The following NME9 variants were observed in gnomAD, a reference collection of about 807,000 sequenced individuals.
The protein encoded by NME9 is thioredoxin domain-containing protein 6.
In NME9, 48 loss-of-function variants were observed where a neutral mutation model predicts 44.4. The observed-to-expected ratio is 1.08, with a 90% confidence interval of 0.86 to 1.37. NME9 has a LOEUF of 1.37. NME9 is among the 40% of genes most tolerant of loss of function. The probability of loss-of-function intolerance (pLI) is 0.00; values close to 1 mark genes in which losing one functional copy is unlikely to be tolerated. For synonymous variants in NME9, 139 were observed against 147.1 expected, an observed-to-expected ratio of 0.94 and a Z score of 0.40; for missense variants, 325 against 405.2, an observed-to-expected ratio of 0.80 and a Z score of 1.70.
chr3:138,281,526 C>G (rs1462043567), intron 8 of NME9, among the ~76,000 whole-genome samples: 1 of 152,094 alleles, frequency 6.6e-6, no homozygotes, highest in Non-Finnish European at 1.5e-5. Flanking sequence ...CTCTTGACCT[C>G]GTAATCCACC....
intron 8 of NME9, among the ~76,000 whole-genome samples, chr3:138,275,362 C>G (rs2049179857): frequency 6.6e-6 from 1 of 152,120 alleles, no homozygotes; most frequent in Non-Finnish European, 1.5e-5. Flanking sequence ...TCGAGACCAT[C>G]CTGGCTAACA....
intron 8 of NME9, chr3:138,290,506 C>T (rs369201930): frequency 3.1e-5 from 45 of 1,442,208 alleles, no homozygotes; most frequent in Non-Finnish European, 2.3e-5. Flanking sequence ...AGAGCATTTG[C>T]CTGGGTCATG....
intron 8 of NME9, among the ~76,000 whole-genome samples, chr3:138,276,437 T>C (rs1046160571): frequency 2.0e-5 from 3 of 152,166 alleles, no homozygotes; most frequent in Admixed American, 6.5e-5. Flanking sequence ...ACCACTCCTG[T>C]TCAACATTGT....
intron 8 of NME9, chr3:138,284,496 T>C (rs1279367465): frequency 1.9e-6 from 3 of 1,613,444 alleles, no homozygotes; most frequent in Non-Finnish European, 2.5e-6. Flanking sequence ...TGACCAATGA[T>C]GATATCCTAC....
chr3:138,318,273 A>G (rs375975099), intron 3 of NME9, 54 bp from the exon 4 acceptor site: 24 of 1,180,230 alleles, frequency 2.0e-5, no homozygotes, highest in African/African-American at 7.5e-5. Flanking sequence ...GCAGGGCCCA[A>G]TTGATTGGTG....
intron 8 of NME9, among the ~76,000 whole-genome samples, chr3:138,293,887 G>T (rs964500246): frequency 7.2e-5 from 11 of 152,174 alleles, no homozygotes; most frequent in African/African-American, 2.4e-4. Flanking sequence ...GACCACTCTG[G>T]TGCTGTTTTC....
At chr3:138,310,169 G>C (rs964480893) in intron 6 of NME9, among the ~76,000 whole-genome samples, 2 of 152,052 alleles carry the variant, frequency 1.3e-5, no homozygotes, top group Non-Finnish European at 2.9e-5. Flanking sequence ...AATATACTTA[G>C]AGAAGGTCAC....
chr3:138,265,971 CACTACTCAGG>C (rs2048244574), intron 8 of NME9, among the ~76,000 whole-genome samples: 1 of 152,168 alleles, frequency 6.6e-6, no homozygotes, highest in African/African-American at 2.4e-5. Context: ...GTGTATGATT[CACTACTCAGG>C]AGCTGTCAGG....
intron 4 of NME9, among the ~76,000 whole-genome samples, chr3:138,317,159 G>T (rs936279719): frequency 1.3e-5 from 2 of 152,150 alleles, no homozygotes; most frequent in Non-Finnish European, 2.9e-5. Flanking sequence ...TGTGTCTGGG[G>T]CATGCTCATC....
intron 6 of NME9, among the ~76,000 whole-genome samples, chr3:138,313,910 G>T (rs1228896893): frequency 6.6e-6 from 1 of 152,176 alleles, no homozygotes; most frequent in Admixed American, 6.5e-5. Flanking sequence ...AGGCCAGGAA[G>T]TGGAGAGAGA....
chr3:138,277,401 G>T (rs188869399), intron 8 of NME9, among the ~76,000 whole-genome samples: 34 of 152,320 alleles, frequency 2.2e-4, no homozygotes, highest in African/African-American at 7.5e-4. Flanking sequence ...AGGTAAATTG[G>T]TCTTCATCAA....
downstream of NME9, among the ~76,000 whole-genome samples, chr3:138,298,749 A>G (rs1407598337): frequency 6.6e-6 from 1 of 152,222 alleles, no homozygotes; most frequent in Non-Finnish European, 1.5e-5. Context: ...AGAGCTTGCT[A>G]TCCCTCTGCA....
At chr3:138,279,452 A>C (rs2049652159) in intron 8 of NME9, among the ~76,000 whole-genome samples, 2 of 152,176 alleles carry the variant, frequency 1.3e-5, no homozygotes, top group Non-Finnish European at 2.9e-5. Flanking sequence ...ATTTACTGAA[A>C]TTTGGTAAGG....
chr3:138,295,532 T>C (rs1207731525), intron 8 of NME9, among the ~76,000 whole-genome samples: 2 of 152,220 alleles, frequency 1.3e-5, no homozygotes, highest in Non-Finnish European at 2.9e-5. Context: ...ATGTAAGACC[T>C]ATCACAACTA....
At chr3:138,298,553 G>A (rs919593140), downstream of NME9, among the ~76,000 whole-genome samples, 22 of 152,152 alleles carry the variant, frequency 1.4e-4, no homozygotes, top group African/African-American at 4.3e-4. Context: ...AGAGGCATCT[G>A]CAGCAGTCTG....
intron 8 of NME9, among the ~76,000 whole-genome samples, chr3:138,294,008 T>C (rs2051235327): frequency 6.6e-6 from 1 of 152,098 alleles, no homozygotes; most frequent in South Asian, 2.1e-4. Context: ...CCAAAACCAT[T>C]CTTCTAAAAA....
At chr3:138,324,219 G>A in intron 2 of NME9, 3 of 323,010 alleles carry the variant, frequency 9.3e-6, no homozygotes, top group South Asian at 8.1e-5. Context: ...TCTTAGGTCT[G>A]CCAACAGCCA....
rs1178111557 is a variant in NME9, at chr3:138,273,816, T to TC, written c.746-11231dup. ...ATTACCCCAGTCCATTTTTTATGCT[T>TC]CCCCCTTTTTTTTTTTTTGAGACAG... On this transcript the variant is annotated intron_variant, in intron 8 of 8. Transcript: ENST00000317876. Among the ~76,000 whole-genome samples the TC allele has an allele frequency of 7.1e-4, 107 of 150,262 alleles. 1 individual carries two copies. The highest frequency in any genetic ancestry group is 2.2e-3 in the African/African-American group (90 of 40,868).
chr3:138,306,313 A>G, intron 7 of NME9, 85 bp downstream of exon 7: 1 of 1,035,258 alleles, frequency 9.7e-7, no homozygotes, highest in Non-Finnish European at 1.5e-6. Flanking sequence ...CTGCACTAAG[A>G]TATCACTGCC....
Sources: gnomAD v4.1 joint callset for allele counts (sites outside exome capture counted in the v4.1 genomes callset) on GRCh38, gnomAD v4.1.1 for gene constraint, MANE v1.5 for transcripts, NCBI Gene and HGNC (gene_info 2026-07-23, HGNC 2026-07-21) for gene names.